TMTC2: variants seen among roughly 807,000 people sequenced by gnomAD.
The protein encoded by TMTC2 is protein O-mannosyl-transferase TMTC2.
A neutral mutation model predicts 82.4 loss-of-function variants in TMTC2; 43 were observed. The observed-to-expected ratio is 0.52, with a 90% CI of 0.41 to 0.67. The LOEUF (loss-of-function observed/expected upper bound fraction) is 0.67, where lower values mean the gene tolerates loss of function less well. Among genes scored for constraint, TMTC2 ranks in the 30% least tolerant of loss-of-function variants. TMTC2 has a pLI of 0.00. For synonymous variants in TMTC2, 408 were observed against 381.9 expected (o/e 1.07, Z -0.80); for missense variants, 919 against 1,012.4 (o/e 0.91, Z 1.25).
chr12:82,788,674 A>G (rs931033689), intron 1 of TMTC2, among the ~76,000 whole-genome samples: 2 of 152,098 alleles, frequency 1.3e-5, no homozygotes, highest in African/African-American at 4.8e-5. Flanking sequence ...TTCAGGAGCT[A>G]ATGTCCTGGT....
At chr12:83,027,706 T>TC (rs1046068140) in intron 8 of TMTC2, among the ~76,000 whole-genome samples, 20 of 152,114 alleles carry the variant, frequency 1.3e-4, no homozygotes, top group Admixed American at 9.8e-4. Flanking sequence ...GCACAGTGTC[T>TC]CCCCCTAGAA....
intron 11 of TMTC2, among the ~76,000 whole-genome samples, chr12:83,119,239 G>T (rs1387739750): frequency 2.0e-5 from 3 of 152,084 alleles, no homozygotes; most frequent in African/African-American, 7.2e-5. Context: ...ACCTTAGATT[G>T]TCTGCCTGTG....
At chr12:83,065,318 G>T (rs1224964514) in intron 11 of TMTC2, among the ~76,000 whole-genome samples, 2 of 151,668 alleles carry the variant, frequency 1.3e-5, no homozygotes, top group East Asian at 3.9e-4. Context: ...ATGTATTTTT[G>T]CATCATTTTA....
In TMTC2 at chr12:82,896,508, C is replaced by T. The variant is rs752235234; in HGVS notation, c.1345C>T (p.Arg449Trp). 11 of 1,614,004 alleles carry T rather than the reference C, an allele frequency of 6.8e-6. No individual in the cohort carries two copies. Among genetic ancestry groups the T allele is most frequent in the African/African-American group, 2.7e-5 (2 of 74,898 alleles). Residue 449 changes from arginine (R) to tryptophan (W), a missense_variant, in exon 3 of 12, where the codon CGG (arginine) becomes TGG (tryptophan). Transcript: ENST00000321196. ...ARALYVKVQK[R>W]FLKSLIFYAT... The stretch of plus-strand genomic sequence containing the variant: ...AGCCCTTTATGTCAAAGTCCAAAAG[C>T]GGTTCCTCAAGAGCTTGATTTTTTA...
chr12:82,958,997 A>T (rs1481383436), intron 4 of TMTC2, among the ~76,000 whole-genome samples: 1 of 152,184 alleles, frequency 6.6e-6, no homozygotes, highest in Non-Finnish European at 1.5e-5. Context: ...ACAAAAATTG[A>T]TGTAAAACAG....
chr12:82,844,343 A>T (rs747965574), intron 1 of TMTC2, among the ~76,000 whole-genome samples: 2 of 152,206 alleles, frequency 1.3e-5, no homozygotes, highest in Non-Finnish European at 2.9e-5. Context: ...AACTGGGTGT[A>T]TTCTTAGCTT....
In TMTC2 at chr12:83,075,634, G is replaced by C. The variant is rs572481556; in HGVS notation, c.2331+13803G>C. Among the ~76,000 whole-genome samples, 5 of 152,228 alleles carry C rather than the reference G, an allele frequency of 3.3e-5. No homozygotes were observed. The East Asian group carries it at 9.7e-4, about 29-fold the overall frequency. ...CATATTCTACTTCAGTTCATAGATA[G>C]GCTTCATCACATTGTTATTACATAT... On this transcript the variant is annotated intron_variant, in intron 11 of 11. Coordinates refer to ENST00000321196, the MANE Select transcript of TMTC2 (RefSeq NM_152588.3).
rs752249879 is a variant in TMTC2 at position 82,896,116 on chromosome 12, C to G, written c.953C>G (p.Thr318Ser). 69 of 1,613,886 alleles carry G rather than the reference C, an allele frequency of 4.3e-5. No individual in the cohort carries two copies. Among genetic ancestry groups the G allele is most frequent in the Non-Finnish European group, 3.5e-5 (41 of 1,180,020 alleles). ...AACCTACACACTGTGGCCTTCTATA[C>G]TGGACTCCTTCTCCTTGCCTACTAT... ...WRNLHTVAFY[T>S]GLLLLAYYGL... is the part of the protein sequence containing the mutation. Residue 318 changes from threonine to serine, a missense_variant, in exon 3 of 12, where the codon ACT becomes AGT. Thr to Ser is a moderately conservative substitution (Grantham distance 58). Transcript: ENST00000321196.
At chr12:83,000,040 A>T (rs745490681) in intron 8 of TMTC2, among the ~76,000 whole-genome samples, 1 of 152,212 alleles carries the variant, frequency 6.6e-6, no homozygotes, top group Non-Finnish European at 1.5e-5. Context: ...TAAAATGAGG[A>T]TACAAGCATT....
At chr12:82,878,244 T>C (rs1443741087) in intron 2 of TMTC2, among the ~76,000 whole-genome samples, 3 of 152,190 alleles carry the variant, frequency 2.0e-5, no homozygotes, top group African/African-American at 4.8e-5. Flanking sequence ...GAGCTGGTAT[T>C]CTTGTGGGAG....
At chr12:82,918,394 G>A (rs563429528) in intron 3 of TMTC2, among the ~76,000 whole-genome samples, 2 of 152,300 alleles carry the variant, frequency 1.3e-5, no homozygotes, top group East Asian at 3.9e-4. Context: ...GTTGGTGGAA[G>A]CAAAATTTAG....
chr12:82,917,881 G>A (rs770555891), intron 3 of TMTC2, among the ~76,000 whole-genome samples: 12 of 150,632 alleles, frequency 8.0e-5, no homozygotes, highest in African/African-American at 1.2e-4. Flanking sequence ...GATTACAGGC[G>A]TGAGCCACTG....
At chr12:82,919,945 G>T (rs1875285171) in intron 3 of TMTC2, among the ~76,000 whole-genome samples, 2 of 152,098 alleles carry the variant, frequency 1.3e-5, no homozygotes, top group Non-Finnish European at 2.9e-5. Flanking sequence ...CCCTCCCATG[G>T]CAATATAGGC....
chr12:82,924,310 G>A (rs1376420841), intron 3 of TMTC2, among the ~76,000 whole-genome samples: 1 of 152,180 alleles, frequency 6.6e-6, no homozygotes, highest in Non-Finnish European at 1.5e-5. Flanking sequence ...TTGGATACCA[G>A]GATAATTCTA....
chr12:82,705,894 T>G (rs1362205343), intron 1 of TMTC2, among the ~76,000 whole-genome samples: 1 of 152,132 alleles, frequency 6.6e-6, no homozygotes, highest in East Asian at 1.9e-4. Flanking sequence ...AGAGACATGC[T>G]TATGGCTTGA....
intron 1 of TMTC2, among the ~76,000 whole-genome samples, chr12:82,789,223 C>T (rs536343941): frequency 6.6e-6 from 1 of 152,124 alleles, no homozygotes; most frequent in South Asian, 2.1e-4. Context: ...TTGTGAATTG[C>T]AGGTGTAGGA....
At chr12:82,971,800 C>T (rs921809529) in intron 7 of TMTC2, among the ~76,000 whole-genome samples, 1 of 97,944 alleles carries the variant, frequency 1.0e-5, no homozygotes, top group Non-Finnish European at 2.1e-5. Context: ...TTTAGAATAA[C>T]CTCTGTATGC....
At chr12:82,860,239 TG>T (rs1265939340) in intron 2 of TMTC2, among the ~76,000 whole-genome samples, 1 of 152,210 alleles carries the variant, frequency 6.6e-6, no homozygotes, top group East Asian at 1.9e-4. Context: ...CCCAAAGTGC[TG>T]GGATTACAGG....
At chr12:82,779,873 T>G (rs2137006961) in intron 1 of TMTC2, among the ~76,000 whole-genome samples, 1 of 152,226 alleles carries the variant, frequency 6.6e-6, no homozygotes, top group East Asian at 1.9e-4. Flanking sequence ...CACTCCAGCC[T>G]GGGCAACAGA....
Sources: allele counts gnomAD v4.1 joint callset (sites outside exome capture counted in the v4.1 genomes callset), GRCh38; gene constraint gnomAD v4.1.1; transcripts MANE v1.5; gene names NCBI Gene and HGNC (gene_info 2026-07-23, HGNC 2026-07-21).